GRHL1: variants seen among roughly 807,000 people sequenced by gnomAD.
GRHL1 encodes grainyhead like transcription factor 1.
In GRHL1, 38 loss-of-function variants were observed where a neutral mutation model predicts 75.7. The ratio of observed to expected loss-of-function variants is 0.50; its 90% CI spans 0.39 to 0.66. The LOEUF is 0.66. Among genes scored for constraint, GRHL1 ranks in the 30% least tolerant of loss-of-function variants. The probability of loss-of-function intolerance (pLI) is 0.00; values close to 1 mark genes in which losing one functional copy is unlikely to be tolerated. For synonymous variants in GRHL1, 266 were observed against 279.4 expected (o/e 0.95, Z 0.48); for missense variants, 589 against 767.5 (o/e 0.77, Z 2.75).
intron 4 of GRHL1, among the ~76,000 whole-genome samples, chr2:9,961,783 G>A (rs1667288104): frequency 6.6e-6 from 1 of 152,136 alleles, no homozygotes; most frequent in African/African-American, 2.4e-5. Context: ...TGCCAAACAA[G>A]CTCCCTGGAG....
chr2:9,984,115 T>C (rs1004642657), intron 8 of GRHL1, among the ~76,000 whole-genome samples: 54 of 151,946 alleles, frequency 3.6e-4, no homozygotes, highest in African/African-American at 1.3e-3. Flanking sequence ...TGAGCCGAGA[T>C]TGCGCCATTG....
intron 8 of GRHL1, among the ~76,000 whole-genome samples, chr2:9,970,539 G>A (rs886349987): frequency 7.2e-5 from 11 of 152,198 alleles, no homozygotes; most frequent in Non-Finnish European, 8.8e-5. Flanking sequence ...ATGGAACTTC[G>A]TCTTTTTCTT....
chr2:10,000,697 C>G lies in GRHL1; in HGVS notation c.1847C>G (p.Thr616Arg), dbSNP rs143356570. Residue 616 changes from threonine to arginine, a missense_variant, in exon 16 of 16, where the codon ACG (threonine) becomes AGG (arginine). By Grantham distance (71) the Thr-to-Arg change is moderately conservative. Coordinates refer to ENST00000324907, the MANE Select transcript of GRHL1 (RefSeq NM_198182.3). The stretch of plus-strand genomic sequence containing the variant: ...GGGGGGTCTTACAAGCTCACCCTGA[C>G]GGAGATCTAAAGGCCTGCGGGCCAC... The part of the protein sequence containing the change: ...EAGGSYKLTL[T>R]EI The G allele has an allele frequency of 1.3e-6, 2 of 1,590,318 alleles. No homozygotes were observed. Among genetic ancestry groups the G allele is most frequent in the African/African-American group, 1.3e-5 (1 of 74,572 alleles).
At chr2:9,997,913 G>T (rs1286807601) in intron 14 of GRHL1, among the ~76,000 whole-genome samples, 1 of 152,106 alleles carries the variant, frequency 6.6e-6, no homozygotes, top group Non-Finnish European at 1.5e-5. Flanking sequence ...GAATTACTGG[G>T]CCAGCATAAC....
rs780915030 is a variant in GRHL1 at position 9,987,071 on chromosome 2, C to T, written c.1269+789C>T. 4.6e-5 allele frequency among the ~76,000 whole-genome samples: 7 copies of T among 151,790 alleles called. No individual in the cohort carries two copies. Among genetic ancestry groups the T allele is most frequent in the African/African-American group, 9.7e-5 (4 of 41,296 alleles). ...TCGGCTCACTGCAGCCTCTGCTTCC[C>T]GGGTTCAAATGATTCTTGTGCCTCA... On this transcript the variant is annotated intron_variant, in intron 9 of 15. Transcript: ENST00000324907. This position sits in a 1 kb window ranked among gnomAD's most constrained non-coding sequence, Gnocchi z 4.2.
chr2:9,967,252 T>G (rs1171425412), intron 8 of GRHL1, among the ~76,000 whole-genome samples: 1 of 152,210 alleles, frequency 6.6e-6, no homozygotes, highest in Non-Finnish European at 1.5e-5. Flanking sequence ...GTCACGAGGT[T>G]AGAGTGGCCA....
Position 9,958,853 on chromosome 2 carries a change from A to T in GRHL1, c.275A>T (p.Lys92Ile), listed in dbSNP as rs1219064592. The change falls in exon 3 of 16, where the codon AAA (lysine) becomes ATA (isoleucine). Residue 92 changes from lysine to isoleucine, a missense_variant. Transcript: ENST00000324907. Reference sequence around the variant, plus strand: ...GAGCACCCTGAGCCAGATCACAGCAAAAGGTAACATTCAGTGCCTAACAGC... The same window carrying T: ...GAGCACCCTGAGCCAGATCACAGCATAAGGTAACATTCAGTGCCTAACAGC... ...EVEHPEPDHS[K>I]RNSIPIVTEQ... 1.9e-6 allele frequency: 3 copies of T among 1,613,586 alleles called. No homozygotes were observed. The highest frequency in any genetic ancestry group is 2.7e-5 in the African/African-American group (2 of 74,926).
chr2:9,955,139 T>G, intron 2 of GRHL1, 38 bp downstream of exon 2: 1 of 1,328,230 alleles, frequency 7.5e-7, no homozygotes, highest in Non-Finnish European at 1.1e-6. Context: ...AACAGCAGTC[T>G]CCAATGCACT....
chr2:9,963,762 G>A, intron 5 of GRHL1, 124 bp from the exon 6 acceptor site: 1 of 629,646 alleles, frequency 1.6e-6, no homozygotes. Flanking sequence ...ATTTTTAGCT[G>A]CTGAGTACTT....
At chr2:9,988,233 C>T (rs1054720153) in intron 9 of GRHL1, among the ~76,000 whole-genome samples, 2 of 152,174 alleles carry the variant, frequency 1.3e-5, no homozygotes, top group African/African-American at 2.4e-5. Flanking sequence ...ATTTGCTAGG[C>T]GGATCTGGAG....
At chr2:9,980,773 A>G (rs1668164124) in intron 8 of GRHL1, among the ~76,000 whole-genome samples, 1 of 152,382 alleles carries the variant, frequency 6.6e-6, no homozygotes, top group African/African-American at 2.4e-5. Flanking sequence ...GTTGTAAATC[A>G]TTCAGCCTAC....
rs1668477948 is a variant in GRHL1, at chr2:9,987,571, ATTC to A, written c.1269+1294_1269+1296del. Among the ~76,000 whole-genome samples, 1 of 152,134 alleles carries A rather than the reference ATTC, an allele frequency of 6.6e-6. No homozygotes were observed. The highest frequency in any genetic ancestry group is 1.5e-5 in the Non-Finnish European group (1 of 68,030). On this transcript the variant is annotated intron_variant, in intron 9 of 15. Coordinates refer to ENST00000324907, the MANE Select transcript of GRHL1 (RefSeq NM_198182.3). The surrounding 1 kb of genome is among the most constrained non-coding windows in gnomAD (Gnocchi z 4.2). The stretch of plus-strand genomic sequence containing the variant: ...TAAGCATGGGGAAGGAGAGGTGCGG[ATTC>A]TTCTCTACAGCCACAGGGAGGCAAG...
chr2:9,955,553 T>C (rs1243855412), intron 2 of GRHL1, among the ~76,000 whole-genome samples: 1 of 152,238 alleles, frequency 6.6e-6, no homozygotes, highest in Non-Finnish European at 1.5e-5. Flanking sequence ...AAGATCAGGA[T>C]ATGTTTTGTT....
chr2:9,975,971 C>T (rs1264614792), intron 8 of GRHL1, among the ~76,000 whole-genome samples: 1 of 152,162 alleles, frequency 6.6e-6, no homozygotes, highest in Non-Finnish European at 1.5e-5. Context: ...TTGGTTTCCT[C>T]ATCTGTAAAA....
At chr2:9,972,462 G>A (rs912394738) in intron 8 of GRHL1, among the ~76,000 whole-genome samples, 2 of 152,086 alleles carry the variant, frequency 1.3e-5, no homozygotes, top group South Asian at 4.1e-4. Flanking sequence ...TTTCAAGGCG[G>A]CATGGGGGCT....
intron 10 of GRHL1, among the ~76,000 whole-genome samples, chr2:9,991,636 T>G (rs1353778429): frequency 6.6e-6 from 1 of 152,256 alleles, no homozygotes; most frequent in African/African-American, 2.4e-5. Flanking sequence ...TGTAAATTAT[T>G]TAATGAGGAC....
intron 8 of GRHL1, among the ~76,000 whole-genome samples, chr2:9,982,940 C>T (rs977747451): frequency 2.0e-5 from 3 of 152,168 alleles, no homozygotes; most frequent in Admixed American, 6.5e-5. Context: ...TAGAGATCCA[C>T]GAACTCACCC....
chr2:9,963,765 G>A, intron 5 of GRHL1, 121 bp from the exon 6 acceptor site: 1 of 644,938 alleles, frequency 1.6e-6, no homozygotes, highest in Non-Finnish European at 2.6e-6. Flanking sequence ...TTTAGCTGCT[G>A]AGTACTTTTG....
At chr2:9,960,024 A>T (rs1667202784) in intron 3 of GRHL1, 1 of 152,204 alleles carries the variant, frequency 6.6e-6, no homozygotes, top group African/African-American at 2.4e-5. Context: ...TTGAAAATTC[A>T]TTCATTTTAC....
Sources: gnomAD v4.1 joint callset for allele counts (sites outside exome capture counted in the v4.1 genomes callset) on GRCh38, gnomAD v4.1.1 for gene constraint, Gnocchi (gnomAD v3.1) non-coding constraint, MANE v1.5 for transcripts, NCBI Gene and HGNC (gene_info 2026-07-23, HGNC 2026-07-21) for gene names.